The following RNASEL variants were observed in gnomAD, a reference collection of about 807,000 sequenced individuals.
The protein encoded by RNASEL is 2-5A-dependent ribonuclease.
RNASEL carries 36 observed loss-of-function variants against 50.9 expected under a neutral mutation model. The ratio of observed to expected loss-of-function variants is 0.71; its 90% CI spans 0.54 to 0.93. The LOEUF is 0.93. Ranked by LOEUF, RNASEL falls within the 40% of genes least tolerant of loss-of-function variation. The pLI, the probability that RNASEL is intolerant of heterozygous loss-of-function variation, is 0.00. For missense variants in RNASEL, 860 were observed against 894.5 expected (o/e 0.96, Z 0.49); for synonymous variants, 335 against 335.6 (o/e 1.00, Z 0.02).
chr1:182,581,864 C>T (rs1490081139), intron 4 of RNASEL, among the ~76,000 whole-genome samples, 189 bp downstream of exon 4: 1 of 151,944 alleles, frequency 6.6e-6, no homozygotes, highest in Admixed American at 6.6e-5. Flanking sequence ...TTTTTTTCCC[C>T]TCCTTATTCT....
rs1661609378 is a variant in RNASEL, at chr1:182,586,780, G to A, written c.27C>T (p.Pro9=). The A allele has an allele frequency of 6.2e-7, 1 of 1,614,208 alleles. No individual in the cohort carries two copies. The highest frequency in any genetic ancestry group is 2.2e-5 in the East Asian group (1 of 44,886). The part of the protein sequence containing the change: MESRDHNN[P]QEGPTSSSGR... ...CGCTGGAGGACGTGGGTCCCTCCTGGGGGTTGTTATGATCCCTGCTCTCCA... is the reference window on the plus strand; with the variant it reads ...CGCTGGAGGACGTGGGTCCCTCCTGAGGGTTGTTATGATCCCTGCTCTCCA... The change falls in exon 2 of 7, where the codon CCC becomes CCT. Residue 9 remains proline, a synonymous_variant. Transcript: ENST00000367559.
chr1:182,578,725 A>T (rs1275540463), intron 5 of RNASEL: 2 of 152,244 alleles, frequency 1.3e-5, no homozygotes, highest in Non-Finnish European at 2.9e-5. Flanking sequence ...AAGTGCTGGG[A>T]TTACAGGTGT....
At position 182,573,691 on chromosome 1, in the gene RNASEL, G is replaced by A. The variant is rs641265; in HGVS notation, c.*1701C>T. ...CACAAATGGGCATTTTAATTGACAT[G>A]TCCAGGTGCTCATTACAAATCAGAG... On this transcript the variant is annotated 3_prime_UTR_variant, in exon 7 of 7. Coordinates refer to ENST00000367559, the MANE Select transcript of RNASEL (RefSeq NM_021133.4). The A allele has an allele frequency of 0.96, 174,885 of 181,342 alleles. 84,629 individuals are homozygous for A. The highest frequency in any genetic ancestry group is 1 in the East Asian group (11,014 of 11,014). 11.2% of individuals were successfully genotyped at this position (181,342 alleles called of 1,614,324 possible). A position where few individuals can be genotyped will look rare whatever the true frequency, so the allele number is the denominator to read the frequency against.
intron 1 of RNASEL, among the ~76,000 whole-genome samples, chr1:182,587,220 A>G (rs1473922283): frequency 6.6e-6 from 1 of 152,116 alleles, no homozygotes; most frequent in Admixed American, 6.5e-5. Context: ...TTGGAATTAT[A>G]CTCTGTAAGT....
chr1:182,577,463 C>T (rs1263394145), intron 5 of RNASEL, among the ~76,000 whole-genome samples: 2 of 152,094 alleles, frequency 1.3e-5, no homozygotes, highest in African/African-American at 2.4e-5. Context: ...GCCTGGCAAC[C>T]ATGGCCAAAG....
chr1:182,585,537 C>CA lies in RNASEL; in HGVS notation c.1269dup (p.Glu424Ter). 1.2e-6 allele frequency: 2 copies of CA among 1,614,224 alleles called. No homozygotes were observed. Among genetic ancestry groups the CA allele is most frequent in the Non-Finnish European group, 1.7e-6 (2 of 1,180,040 alleles). ...ACAAACAAGTGGCCCCTGTGGCTCT[C>CA]ACTCCCATAGAATGTCACCAAGTGA... On this transcript the variant is annotated frameshift_variant, in exon 2 of 7. Transcript: ENST00000367559. LOFTEE classifies it high-confidence loss of function.
At position 182,581,328 on chromosome 1, in the gene RNASEL, T is replaced by A; in HGVS notation, c.1802A>T (p.Asn601Ile). ...TTTTCGTGTTTTGATGTCGGATTCATTTCCCACATTCCGAAGCGTCCTATA... is the reference window on the plus strand; with the variant it reads ...TTTTCGTGTTTTGATGTCGGATTCAATTCCCACATTCCGAAGCGTCCTATA... ...SRYRTLRNVGNESDIKTRKSE... is the reference protein window; with the variant it reads ...SRYRTLRNVGIESDIKTRKSE... The change falls in exon 5 of 7, where the codon AAT (asparagine) becomes ATT (isoleucine). Residue 601 changes from asparagine to isoleucine, a missense_variant. By Grantham distance (149) the Asn-to-Ile change is moderately radical. Transcript: ENST00000367559. 6.2e-7 allele frequency: 1 copy of A among 1,614,124 alleles called. No homozygotes were observed. The highest frequency in any genetic ancestry group is 8.5e-7 in the Non-Finnish European group (1 of 1,180,016).
chr1:182,579,646 T>C, intron 5 of RNASEL: 2 of 1,142,162 alleles, frequency 1.8e-6, no homozygotes, highest in Non-Finnish European at 2.2e-6. Flanking sequence ...AAAAACAAAG[T>C]GTAAAATGGG....
At chr1:182,589,117 A>C (rs1340384955) in intron 1 of RNASEL, 50 bp downstream of exon 1, 1 of 152,296 alleles carries the variant, frequency 6.6e-6, no homozygotes, top group East Asian at 1.9e-4. Context: ...AGAATTCTTC[A>C]GGATCGACTT....
intron 1 of RNASEL, among the ~76,000 whole-genome samples, chr1:182,588,800 A>G (rs576736742): frequency 1.3e-5 from 2 of 152,358 alleles, no homozygotes; most frequent in African/African-American, 4.8e-5. Context: ...GCTGGTATAA[A>G]CAAAGGAGCC....
rs751514928 is a variant in RNASEL at position 182,582,110 on chromosome 1, T to G, written c.1715A>C (p.His572Pro). ...CAGGTCACTCAGACAGTCCCTCACATGTTCCCCAGGATGGAAGAGACGATG... is the reference window on the plus strand; with the variant it reads ...CAGGTCACTCAGACAGTCCCTCACAGGTTCCCCAGGATGGAAGAGACGATG... ...LIHRLFHPGEHVRDCLSDLLG... is the reference protein window; with the variant it reads ...LIHRLFHPGEPVRDCLSDLLG... Residue 572 changes from histidine (H) to proline (P), a missense_variant, in exon 4 of 7, where the codon CAT becomes CCT. Transcript: ENST00000367559. 9 of 1,614,098 alleles carry G rather than the reference T, an allele frequency of 5.6e-6. No individual in the cohort carries two copies. Among genetic ancestry groups the G allele is most frequent in the Non-Finnish European group, 7.6e-6 (9 of 1,180,036 alleles).
chr1:182,577,863 C>T (rs957591138), intron 5 of RNASEL, among the ~76,000 whole-genome samples: 2 of 152,036 alleles, frequency 1.3e-5, no homozygotes, highest in Admixed American at 6.6e-5. Context: ...TAGACAAAGT[C>T]GGCAAAAACA....
intron 3 of RNASEL, 113 bp from the exon 4 acceptor site, chr1:182,582,371 T>G (rs1661513478): frequency 7.8e-7 from 1 of 1,282,622 alleles, no homozygotes; most frequent in African/African-American, 1.5e-5. Context: ...CTCAAGGAAT[T>G]TGTAGGCTTG....
At position 182,574,269 on chromosome 1, in the gene RNASEL, G is replaced by A. The variant is rs1158326623; in HGVS notation, c.*1123C>T. ...TCAAGAAAAGACAGCCATCGCCCGT[G>A]AGGAGCCTACATTCCAGTGGAGGAA... On this transcript the variant is annotated 3_prime_UTR_variant, in exon 7 of 7. Coordinates refer to ENST00000367559, the MANE Select transcript of RNASEL (RefSeq NM_021133.4). 4.4e-6 allele frequency: 1 copy of A among 225,812 alleles called. No individual in the cohort carries two copies. The highest frequency in any genetic ancestry group is 8.8e-6 in the Non-Finnish European group (1 of 113,530). The allele number at this position is 225,812 out of a possible 1,614,324, so 14.0% of individuals were successfully genotyped here. A position where few individuals can be genotyped will look rare whatever the true frequency, so the allele number is the denominator to read the frequency against.
chr1:182,574,267 G>A lies in RNASEL; in HGVS notation c.*1125C>T, dbSNP rs1011866374. ...AGTCAAGAAAAGACAGCCATCGCCC[G>A]TGAGGAGCCTACATTCCAGTGGAGG... On this transcript the variant is annotated 3_prime_UTR_variant, in exon 7 of 7. Coordinates refer to ENST00000367559, the MANE Select transcript of RNASEL (RefSeq NM_021133.4). 4.9e-5 allele frequency: 11 copies of A among 225,242 alleles called. No homozygotes were observed. The highest frequency in any genetic ancestry group is 8.0e-5 in the Non-Finnish European group (9 of 113,192). The allele number at this position is 225,242 out of a possible 1,614,324, so 14.0% of individuals were successfully genotyped here. A position where few individuals can be genotyped will look rare whatever the true frequency, so the allele number is the denominator to read the frequency against.
rs1318310589 is a variant in RNASEL, at chr1:182,575,503, T to C, written c.2115A>G (p.Thr705=). 15 of 1,614,248 alleles carry C rather than the reference T, an allele frequency of 9.3e-6. No individual in the cohort carries two copies. Among genetic ancestry groups the C allele is most frequent in the Non-Finnish European group, 1.2e-5 (14 of 1,180,046 alleles). ...TFPDLVIYVY[T]KLQNTEYRKH... is the part of the protein sequence containing the mutation. ...TTCTATATTCTGTGTTCTGTAGTTT[T>C]GTGTAGACATAGATCACCAGATCTG... is the stretch of plus-strand genomic sequence containing the variant. Residue 705 remains threonine, a synonymous_variant, in exon 7 of 7, where the codon ACA becomes ACG. Coordinates refer to ENST00000367559, the MANE Select transcript of RNASEL (RefSeq NM_021133.4).
At chr1:182,588,749 G>A (rs1468576296) in intron 1 of RNASEL, among the ~76,000 whole-genome samples, 2 of 152,196 alleles carry the variant, frequency 1.3e-5, no homozygotes, top group East Asian at 3.8e-4. Flanking sequence ...GAACCAAAGT[G>A]TTTGTGTAGA....
chr1:182,576,463 A>T, intron 5 of RNASEL, 74 bp from the exon 6 acceptor site: 1 of 1,146,302 alleles, frequency 8.7e-7, no homozygotes, highest in Non-Finnish European at 1.3e-6. Context: ...TCATACCAAA[A>T]GGCAAAATAT....
In RNASEL at chr1:182,576,264, C is replaced by G; in HGVS notation, c.2031G>C (p.Lys677Asn). 2 of 1,610,896 alleles carry G rather than the reference C, an allele frequency of 1.2e-6. No homozygotes were observed. Among genetic ancestry groups the G allele is most frequent in the South Asian group, 1.1e-5 (1 of 90,242 alleles). ...RNLGEHIDEEKHKKMKLKIGD... is the reference protein window; with the variant it reads ...RNLGEHIDEENHKKMKLKIGD... ...ATGAAAACAATACTTACTTTTTATG[C>G]TTTTCTTCATCAATGTGTTCTCCCA... The change falls in exon 6 of 7, where the codon AAG (lysine) becomes AAC (asparagine). Residue 677 changes from lysine (K) to asparagine (N), a missense_variant. Lys to Asn is a moderately conservative substitution (Grantham distance 94). Coordinates refer to ENST00000367559, the MANE Select transcript of RNASEL (RefSeq NM_021133.4).
Sources: gnomAD v4.1 joint callset for allele counts (sites outside exome capture counted in the v4.1 genomes callset) on GRCh38, gnomAD v4.1.1 for gene constraint, MANE v1.5 for transcripts, NCBI Gene and HGNC (gene_info 2026-07-23, HGNC 2026-07-21) for gene names.